The following TAFA2 variants were observed in gnomAD, a reference collection of about 807,000 sequenced individuals.
TAFA2 encodes the protein chemokine-like protein TAFA-2.
In TAFA2, 7 loss-of-function variants were observed where a neutral mutation model predicts 18.8. That is an observed-to-expected ratio of 0.37 (90% CI 0.21 to 0.70). The LOEUF (loss-of-function observed/expected upper bound fraction) is 0.70. TAFA2 is among the 30% of genes least tolerant of loss of function. The pLI, the probability that TAFA2 is intolerant of heterozygous loss-of-function variation, is 0.53. For synonymous variants in TAFA2, 60 were observed against 54.2 expected (o/e 1.11, Z -0.47); for missense variants, 122 against 158.1 (o/e 0.77, Z 1.23).
chr12:62,133,289 C>T (rs188763630), intron 1 of TAFA2, among the ~76,000 whole-genome samples: 1 of 152,114 alleles, frequency 6.6e-6, no homozygotes, highest in Admixed American at 6.6e-5. Context: ...TCCTTGTCAC[C>T]ATGGTTGTTT....
chr12:62,172,146 A>G (rs2062482089), intron 1 of TAFA2, among the ~76,000 whole-genome samples: 1 of 152,218 alleles, frequency 6.6e-6, no homozygotes, highest in South Asian at 2.1e-4. Flanking sequence ...AAAAAAGAAA[A>G]CATTTCAGAC....
At chr12:61,994,251 A>G (rs1880108132) in intron 1 of TAFA2, among the ~76,000 whole-genome samples, 1 of 152,106 alleles carries the variant, frequency 6.6e-6, no homozygotes. Context: ...CACCATCATA[A>G]CTTCATGCAG....
chr12:61,729,531 A>T (rs1870339266), intron 4 of TAFA2, among the ~76,000 whole-genome samples: 1 of 151,630 alleles, frequency 6.6e-6, no homozygotes, highest in African/African-American at 2.4e-5. Flanking sequence ...TTTCCAGTGT[A>T]TTTTGCATTT....
intron 1 of TAFA2, among the ~76,000 whole-genome samples, chr12:62,236,299 C>T (rs1159302448): frequency 2.0e-5 from 3 of 147,522 alleles, no homozygotes; most frequent in African/African-American, 7.5e-5. Flanking sequence ...CAGTCTCACT[C>T]TGTCACCCAG....
At chr12:61,724,751 ATG>A (rs71083953) in intron 4 of TAFA2, among the ~76,000 whole-genome samples, 2,872 of 114,632 alleles carry the variant, frequency 0.025, 45 homozygotes, top group Middle Eastern at 0.052. Flanking sequence ...TGGTATGTCT[ATG>A]TGTGTGTGTG....
chr12:62,018,989 A>C (rs981126076), intron 1 of TAFA2, among the ~76,000 whole-genome samples: 9 of 152,316 alleles, frequency 5.9e-5, no homozygotes, highest in African/African-American at 2.2e-4. Context: ...AAAAAAACAA[A>C]CAACCCCATC....
chr12:61,844,561 A>C (rs1037873611), intron 2 of TAFA2, among the ~76,000 whole-genome samples: 5 of 152,136 alleles, frequency 3.3e-5, no homozygotes, highest in Admixed American at 2.0e-4. Flanking sequence ...TATAGGAATT[A>C]GGTTTTAAAG....
At chr12:61,899,985 A>C (rs1191381722) in intron 1 of TAFA2, among the ~76,000 whole-genome samples, 1 of 152,222 alleles carries the variant, frequency 6.6e-6, no homozygotes, top group Non-Finnish European at 1.5e-5. Flanking sequence ...CTCCTCGAAT[A>C]CTAAGGGAAG....
At chr12:61,888,462 G>A (rs12425411) in intron 1 of TAFA2, among the ~76,000 whole-genome samples, 4,755 of 152,110 alleles carry the variant, frequency 0.031, 220 homozygotes, top group East Asian at 0.21. Flanking sequence ...ACCACATGGA[G>A]AAAAACACAA....
At position 61,944,372 on chromosome 12, in the gene TAFA2, C is replaced by T. The variant is rs1250752758; in HGVS notation, c.-1-76946G>A. Reference sequence around the variant, plus strand: ...AAGCAGGAAAGATCCAAAATTGACACCCTAACATCACAATTAAAAGAACTA... The same window carrying T: ...AAGCAGGAAAGATCCAAAATTGACATCCTAACATCACAATTAAAAGAACTA... On this transcript the variant is annotated intron_variant, in intron 1 of 4. Coordinates refer to ENST00000416284, the MANE Select transcript of TAFA2 (RefSeq NM_178539.5). Among the ~76,000 whole-genome samples, 892 of 146,130 alleles carry T rather than the reference C, an allele frequency of 6.1e-3. 5 individuals are homozygous for T. Among genetic ancestry groups the T allele is most frequent in the Middle Eastern group, 0.014 (4 of 288 alleles).
intron 1 of TAFA2, among the ~76,000 whole-genome samples, chr12:62,056,143 ACTTTT>A (rs1297507340): frequency 6.6e-6 from 1 of 152,078 alleles, no homozygotes; most frequent in Non-Finnish European, 1.5e-5. Flanking sequence ...TGGAAATTAT[ACTTTT>A]CTTTTTTTAT....
chr12:61,938,911 G>C (rs1033481567), intron 1 of TAFA2, among the ~76,000 whole-genome samples: 1 of 151,902 alleles, frequency 6.6e-6, no homozygotes, highest in Admixed American at 6.6e-5. Flanking sequence ...TCAGAAGGAG[G>C]AGGGTGGGAG....
intron 1 of TAFA2, among the ~76,000 whole-genome samples, chr12:62,033,476 A>G (rs1592562051): frequency 6.6e-6 from 1 of 151,918 alleles, no homozygotes; most frequent in East Asian, 1.9e-4. Context: ...TCCCTAGACA[A>G]AGATTTTCTT....
intron 1 of TAFA2, among the ~76,000 whole-genome samples, chr12:62,115,274 C>T (rs1243055234): frequency 6.6e-6 from 1 of 152,112 alleles, no homozygotes; most frequent in Non-Finnish European, 1.5e-5. Flanking sequence ...TTCCCCAGGC[C>T]CCACTTTCCA....
intron 1 of TAFA2, among the ~76,000 whole-genome samples, chr12:62,003,256 G>A (rs1880438845): frequency 6.6e-6 from 1 of 152,056 alleles, no homozygotes; most frequent in South Asian, 2.1e-4. Flanking sequence ...ATCTCACTCA[G>A]AGAAAAACCA....
At chr12:62,123,477 T>G (rs531433846) in intron 1 of TAFA2, among the ~76,000 whole-genome samples, 45 of 151,728 alleles carry the variant, frequency 3.0e-4, no homozygotes, top group Admixed American at 1.1e-3. Context: ...GAATTCAATC[T>G]GAAAACTTTT....
At position 61,845,533 on chromosome 12, in the gene TAFA2, G is replaced by T. The variant is rs185735094; in HGVS notation, c.106+21787C>A. Among the ~76,000 whole-genome samples the T allele has an allele frequency of 2.0e-3, 303 of 152,162 alleles. 2 individuals are homozygous for T. Among genetic ancestry groups the T allele is most frequent in the African/African-American group, 6.8e-3 (283 of 41,518 alleles). Reference sequence around the variant, plus strand: ...GATTGTGGCTTCAGGATCAAACTTTGGTTTCTTAACAAGATCTTTAACACA... The same window carrying T: ...GATTGTGGCTTCAGGATCAAACTTTTGTTTCTTAACAAGATCTTTAACACA... On this transcript the variant is annotated intron_variant, in intron 2 of 4. Coordinates refer to ENST00000416284, the MANE Select transcript of TAFA2 (RefSeq NM_178539.5).
chr12:61,904,928 T>C (rs148257916), intron 1 of TAFA2, among the ~76,000 whole-genome samples: 1 of 152,312 alleles, frequency 6.6e-6, no homozygotes, highest in Non-Finnish European at 1.5e-5. Context: ...ATCTACTGTG[T>C]TGATTTTACC....
intron 1 of TAFA2, among the ~76,000 whole-genome samples, chr12:61,907,436 C>T (rs1187863487): frequency 2.0e-5 from 3 of 152,182 alleles, no homozygotes; most frequent in Non-Finnish European, 2.9e-5. Flanking sequence ...TGGTGTTGGG[C>T]CTGTTGGTGC....
Sources: allele counts gnomAD v4.1 joint callset (sites outside exome capture counted in the v4.1 genomes callset), GRCh38; gene constraint gnomAD v4.1.1; transcripts MANE v1.5; gene names NCBI Gene and HGNC (gene_info 2026-07-23, HGNC 2026-07-21).